RYR2: variants seen among roughly 807,000 people sequenced by gnomAD.
RYR2 encodes ryanodine receptor 2.
RYR2 carries 227 observed loss-of-function variants against 601.1 expected under a neutral mutation model. The observed-to-expected ratio is 0.38, with a 90% CI of 0.34 to 0.42. The LOEUF is 0.42. Ranked by LOEUF, RYR2 falls within the 10% of genes least tolerant of loss-of-function variation. The pLI, the probability that RYR2 is intolerant of heterozygous loss-of-function variation, is 1.00. For missense variants in RYR2, 4,646 were observed against 6,156.5 expected (o/e 0.75, Z 8.21); for synonymous variants, 2,223 against 2,175.1 (o/e 1.02, Z -0.61).
intron 25 of RYR2, among the ~76,000 whole-genome samples, chr1:237,544,462 G>T (rs958841015): frequency 6.6e-6 from 1 of 152,014 alleles, no homozygotes; most frequent in Non-Finnish European, 1.5e-5. Context: ...TCCCATTTTG[G>T]TGGCTATAAA....
At chr1:237,482,449 A>C (rs558569081) in intron 17 of RYR2, among the ~76,000 whole-genome samples, 3 of 150,258 alleles carry the variant, frequency 2.0e-5, no homozygotes, top group Non-Finnish European at 4.4e-5. Context: ...AAGTGAGAAC[A>C]TGTGATGATT....
chr1:237,623,203 C>T (rs535172892), intron 38 of RYR2, among the ~76,000 whole-genome samples: 14 of 152,026 alleles, frequency 9.2e-5, no homozygotes, highest in Admixed American at 5.9e-4. Context: ...GAGGAAGAAA[C>T]GTTATATGAC....
chr1:237,714,306 C>A (rs1689079855), intron 71 of RYR2, among the ~76,000 whole-genome samples: 2 of 152,144 alleles, frequency 1.3e-5, no homozygotes, highest in African/African-American at 4.8e-5. Flanking sequence ...TAAAATACAG[C>A]TGAATATCTA....
chr1:237,702,036 C>G lies in RYR2; in HGVS notation c.9426C>G (p.Thr3142=). ...RILTSLYALG[T]SKSIYVERQR... is the part of the protein sequence containing the mutation. ...TGACTAGCTTATATGCTTTGGGAACCAGCAAGAGTATTTACGTGGAGAGGT... is the reference window on the plus strand; with the variant it reads ...TGACTAGCTTATATGCTTTGGGAACGAGCAAGAGTATTTACGTGGAGAGGT... Residue 3142 remains threonine, a synonymous_variant, in exon 66 of 105, where the codon ACC becomes ACG. Coordinates refer to ENST00000366574, the MANE Select transcript of RYR2 (RefSeq NM_001035.3). 1 of 1,603,044 alleles carries G rather than the reference C, an allele frequency of 6.2e-7. No homozygotes were observed. The highest frequency in any genetic ancestry group is 8.5e-7 in the Non-Finnish European group (1 of 1,170,280).
intron 1 of RYR2, among the ~76,000 whole-genome samples, chr1:237,190,729 G>A (rs749349196): frequency 1.8e-4 from 27 of 152,206 alleles, no homozygotes; most frequent in Non-Finnish European, 2.9e-4. Context: ...TAGGCTGCAT[G>A]TGAATATGAC....
intron 1 of RYR2, among the ~76,000 whole-genome samples, chr1:237,087,071 C>T (rs891932251): frequency 1.6e-4 from 24 of 152,254 alleles, no homozygotes; most frequent in Admixed American, 1.6e-3. Flanking sequence ...TCAGCACGCG[C>T]AAGTGAAAGG....
chr1:237,816,040 G>A (rs944952435), intron 100 of RYR2, among the ~76,000 whole-genome samples: 19 of 152,116 alleles, frequency 1.2e-4, no homozygotes, highest in Non-Finnish European at 1.0e-4. Context: ...AGCCACTAGT[G>A]CTGTCACACG....
At chr1:237,321,025 AAAC>A (rs1303028775) in intron 2 of RYR2, among the ~76,000 whole-genome samples, 30 of 152,078 alleles carry the variant, frequency 2.0e-4, no homozygotes, top group Non-Finnish European at 4.3e-4. Flanking sequence ...AATAAAAAGA[AAAC>A]AACTGGGAGG....
intron 86 of RYR2, among the ~76,000 whole-genome samples, 178 bp from the exon 87 acceptor site, chr1:237,773,342 T>A (rs762671578): frequency 1.3e-5 from 2 of 152,154 alleles, no homozygotes; most frequent in Non-Finnish European, 2.9e-5. Context: ...AAGAAGGAGG[T>A]TCACATATTG....
chr1:237,370,513 G>A (rs530468283), intron 6 of RYR2, among the ~76,000 whole-genome samples: 1 of 152,270 alleles, frequency 6.6e-6, no homozygotes, highest in Admixed American at 6.5e-5. Flanking sequence ...AGGCTAAGGA[G>A]GAGGAAGAGG....
At position 237,532,760 on chromosome 1, in the gene RYR2, T is replaced by G. The variant is rs560922101; in HGVS notation, c.2906+2250T>G. On this transcript the variant is annotated intron_variant, in intron 25 of 104. Transcript: ENST00000366574. ...GTGAGTGTGTGTGCATGTGTGTGTATGTATTTGGGATACAATTCAACTTAT... is the reference window on the plus strand; with the variant it reads ...GTGAGTGTGTGTGCATGTGTGTGTAGGTATTTGGGATACAATTCAACTTAT... Among the ~76,000 whole-genome samples, 9 of 152,342 alleles carry G rather than the reference T, an allele frequency of 5.9e-5. No individual in the cohort carries two copies. The East Asian group carries it at 1.5e-3, about 26-fold the overall frequency.
rs1675484032 is a variant in RYR2 at position 237,593,651 on chromosome 1, A to C, written c.4436+15A>C. 2.5e-6 allele frequency: 4 copies of C among 1,613,044 alleles called. No individual in the cohort carries two copies. The highest frequency in any genetic ancestry group is 3.4e-6 in the Non-Finnish European group (4 of 1,179,430). On this transcript the variant is annotated intron_variant, in intron 33 of 104. Coordinates refer to ENST00000366574, the MANE Select transcript of RYR2 (RefSeq NM_001035.3). ...GTGCATGAAAGGTTAGTTTTCCTCAATTTTTTGCAAGAATGACATGTGAAA... is the reference window on the plus strand; with the variant it reads ...GTGCATGAAAGGTTAGTTTTCCTCACTTTTTTGCAAGAATGACATGTGAAA...
At chr1:237,184,001 C>G (rs1415970149) in intron 1 of RYR2, among the ~76,000 whole-genome samples, 1 of 152,118 alleles carries the variant, frequency 6.6e-6, no homozygotes, top group African/African-American at 2.4e-5. Flanking sequence ...TTCCAAACAC[C>G]ATAAGATCTT....
chr1:237,633,748 A>G (rs766311802), intron 43 of RYR2, 38 bp downstream of exon 43: 8 of 1,558,548 alleles, frequency 5.1e-6, no homozygotes, highest in Non-Finnish European at 7.0e-6. Context: ...TAAGGTTGAA[A>G]TAATATAATA....
intron 1 of RYR2, among the ~76,000 whole-genome samples, chr1:237,154,002 T>C (rs1383672473): frequency 2.0e-5 from 3 of 152,120 alleles, no homozygotes; most frequent in African/African-American, 7.2e-5. Flanking sequence ...GGAAGCAGCT[T>C]TGTCATAAAT....
chr1:237,215,060 T>C (rs1683013399), intron 1 of RYR2, among the ~76,000 whole-genome samples: 1 of 152,194 alleles, frequency 6.6e-6, no homozygotes, highest in Non-Finnish European at 1.5e-5. Context: ...TTAAATTCAT[T>C]CTGTTCTGTG....
intron 25 of RYR2, among the ~76,000 whole-genome samples, chr1:237,541,307 A>C (rs1397560521): frequency 6.6e-6 from 1 of 152,096 alleles, no homozygotes; most frequent in African/African-American, 2.4e-5. Flanking sequence ...AATTAATTCT[A>C]GTTTGTTTAG....
At chr1:237,399,318 T>C (rs1288484340) in intron 10 of RYR2, among the ~76,000 whole-genome samples, 2 of 152,182 alleles carry the variant, frequency 1.3e-5, no homozygotes, top group East Asian at 1.9e-4. Context: ...TTTCATAACA[T>C]TTTTAAATGA....
At chr1:237,780,487 T>C (rs1695009339) in intron 88 of RYR2, among the ~76,000 whole-genome samples, 1 of 150,824 alleles carries the variant, frequency 6.6e-6, no homozygotes, top group Non-Finnish European at 1.5e-5. Context: ...TATAGCTTCA[T>C]ATGTACCAAA....
Sources: allele counts gnomAD v4.1 joint callset (sites outside exome capture counted in the v4.1 genomes callset), GRCh38; gene constraint gnomAD v4.1.1; transcripts MANE v1.5; gene names NCBI Gene and HGNC (gene_info 2026-07-23, HGNC 2026-07-21).